Variants in PITPNC1 observed in about 807,000 individuals in gnomAD.
PITPNC1 encodes the protein phosphatidylinositol transfer protein cytoplasmic 1, also known as cytoplasmic phosphatidylinositol transfer protein 1.
Under a neutral mutation model 44.7 loss-of-function variants are expected in PITPNC1, and 18 were observed. The ratio of observed to expected loss-of-function variants is 0.40; its 90% CI spans 0.28 to 0.60. PITPNC1 has a LOEUF of 0.60. Among genes scored for constraint, PITPNC1 ranks in the 20% least tolerant of loss-of-function variants. PITPNC1 has a pLI of 0.39. For synonymous variants in PITPNC1, 141 were observed against 149.6 expected (o/e 0.94, Z 0.42); for missense variants, 290 against 418.4 (o/e 0.69, Z 2.68).
At chr17:67,655,639 G>C (rs2042257561) in intron 6 of PITPNC1, among the ~76,000 whole-genome samples, 1 of 148,102 alleles carries the variant, frequency 6.8e-6, no homozygotes. Flanking sequence ...TGGTGATTAA[G>C]TTTCAACATA....
intron 1 of PITPNC1, among the ~76,000 whole-genome samples, chr17:67,486,455 G>A (rs1396530902): frequency 6.6e-6 from 1 of 152,074 alleles, no homozygotes; most frequent in Non-Finnish European, 1.5e-5. Context: ...GCTTGTGTCT[G>A]CCCACAAATC....
At chr17:67,477,339 C>T (rs1454446097) in intron 1 of PITPNC1, among the ~76,000 whole-genome samples, 5 of 150,748 alleles carry the variant, frequency 3.3e-5, no homozygotes, top group South Asian at 2.1e-4. Flanking sequence ...CTCTGCCTCC[C>T]GGGTTCAAGC....
chr17:67,480,580 T>C (rs371942597), intron 1 of PITPNC1, among the ~76,000 whole-genome samples: 1 of 152,150 alleles, frequency 6.6e-6, no homozygotes, highest in Non-Finnish European at 1.5e-5. Flanking sequence ...AAATAAAAGA[T>C]GATATTAAGT....
At chr17:67,395,352 T>A (rs577748016) in intron 1 of PITPNC1, among the ~76,000 whole-genome samples, 1 of 152,152 alleles carries the variant, frequency 6.6e-6, no homozygotes, top group South Asian at 2.1e-4. Context: ...TCTTGTTACA[T>A]TGCCCAGGCT....
intron 1 of PITPNC1, among the ~76,000 whole-genome samples, chr17:67,523,204 T>C (rs1242290245): frequency 6.6e-6 from 1 of 152,214 alleles, no homozygotes; most frequent in Non-Finnish European, 1.5e-5. Flanking sequence ...CTCAAGCTTT[T>C]TATAATACTT....
intron 8 of PITPNC1, among the ~76,000 whole-genome samples, chr17:67,683,162 C>CAAAAAAAAAAAAAAAAAAAAAAAAA (rs901577194): frequency 2.4e-5 from 1 of 41,528 alleles, no homozygotes; most frequent in Non-Finnish European, 5.4e-5. Flanking sequence ...AACTGAGTCT[C>CAAAAAAAAAAAAAAAAAAAAAAAAA]AAAAAAAAAA....
chr17:67,380,937 T>A (rs1422244827), intron 1 of PITPNC1, among the ~76,000 whole-genome samples: 2 of 152,106 alleles, frequency 1.3e-5, no homozygotes, highest in South Asian at 2.1e-4. Flanking sequence ...CCAACCCGGC[T>A]AATTTTTTTA....
At chr17:67,411,200 G>GC (rs2038491369) in intron 1 of PITPNC1, among the ~76,000 whole-genome samples, 1 of 151,962 alleles carries the variant, frequency 6.6e-6, no homozygotes, top group Non-Finnish European at 1.5e-5. Flanking sequence ...ACAGAATCCT[G>GC]CCCATAATGA....
chr17:67,380,349 A>C (rs1194497519), intron 1 of PITPNC1, among the ~76,000 whole-genome samples: 2 of 152,182 alleles, frequency 1.3e-5, no homozygotes, highest in African/African-American at 4.8e-5. Flanking sequence ...TGCTGGGATT[A>C]CAGGCATGAG....
At chr17:67,496,761 A>C (rs1016394146) in intron 1 of PITPNC1, among the ~76,000 whole-genome samples, 3 of 152,184 alleles carry the variant, frequency 2.0e-5, no homozygotes, top group African/African-American at 7.2e-5. Flanking sequence ...CTTAGAATAG[A>C]AATGAGAAGG....
At chr17:67,639,125 A>AAAAAGAAAAG (rs1045768155) in intron 6 of PITPNC1, among the ~76,000 whole-genome samples, 1 of 152,102 alleles carries the variant, frequency 6.6e-6, no homozygotes, top group African/African-American at 2.4e-5. Context: ...CCTGTCTCTA[A>AAAAAGAAAAG]AAAAGAAAAG....
chr17:67,467,505 T>C (rs1339382862), intron 1 of PITPNC1, among the ~76,000 whole-genome samples: 1 of 152,196 alleles, frequency 6.6e-6, no homozygotes, highest in Non-Finnish European at 1.5e-5. Flanking sequence ...TCATAGGCTT[T>C]TGAAGTGGCC....
chr17:67,675,383 G>C (rs1231884256), intron 7 of PITPNC1, 96 bp from the exon 8 acceptor site: 1 of 888,384 alleles, frequency 1.1e-6, no homozygotes, highest in Non-Finnish European at 1.9e-6. Context: ...TAAGAACTCT[G>C]TAATCACCAA....
Position 67,460,603 on chromosome 17 carries a change from C to G in PITPNC1, c.49-72199C>G, listed in dbSNP as rs564044737. ...CTAATTTTTGTATTTTTAGTAGAGA[C>G]AGGGTTTCACCATGTTGGCCAGGCT... On this transcript the variant is annotated intron_variant, in intron 1 of 8. Transcript: ENST00000581322. Among the ~76,000 whole-genome samples, 7 of 151,310 alleles carry G rather than the reference C, an allele frequency of 4.6e-5. No homozygotes were observed. In the South Asian group the frequency reaches 1.5e-3, roughly 32 times the overall value.
At chr17:67,455,129 T>C (rs1444298503) in intron 1 of PITPNC1, among the ~76,000 whole-genome samples, 2 of 152,168 alleles carry the variant, frequency 1.3e-5, no homozygotes, top group Non-Finnish European at 2.9e-5. Context: ...CCTACACATA[T>C]TTCAAAGTAA....
chr17:67,438,494 T>A (rs1482351347), intron 1 of PITPNC1, among the ~76,000 whole-genome samples: 1 of 152,096 alleles, frequency 6.6e-6, no homozygotes, highest in Non-Finnish European at 1.5e-5. Flanking sequence ...TTTTGTATTT[T>A]TAGTACAGAC....
intron 5 of PITPNC1, among the ~76,000 whole-genome samples, chr17:67,599,032 A>ATTTTTTTT (rs1185599667): frequency 2.0e-4 from 6 of 29,280 alleles, no homozygotes; most frequent in African/African-American, 9.6e-4. Context: ...ATATATATAT[A>ATTTTTTTT]TATTTTTTTT....
At chr17:67,415,447 C>G (rs531133596) in intron 1 of PITPNC1, among the ~76,000 whole-genome samples, 1 of 152,224 alleles carries the variant, frequency 6.6e-6, no homozygotes, top group Admixed American at 6.5e-5. Flanking sequence ...TATTACCAGT[C>G]TAAGCCCCTT....
chr17:67,450,141 C>G lies in PITPNC1; in HGVS notation c.48+71939C>G, dbSNP rs116666592. ...ATTAAAACCACATTTCAGGTTTGCT[C>G]TTATGATTTAGAAGTAAATTTAGAA... On this transcript the variant is annotated intron_variant, in intron 1 of 8. Coordinates refer to ENST00000581322, the MANE Select transcript of PITPNC1 (RefSeq NM_012417.4). Among the ~76,000 whole-genome samples the G allele has an allele frequency of 2.5e-3, 374 of 152,310 alleles. 2 individuals are homozygous for G. Among genetic ancestry groups the G allele is most frequent in the African/African-American group, 8.6e-3 (358 of 41,566 alleles).
Sources: allele counts gnomAD v4.1 joint callset (sites outside exome capture counted in the v4.1 genomes callset), GRCh38; gene constraint gnomAD v4.1.1; transcripts MANE v1.5; gene names NCBI Gene and HGNC (gene_info 2026-07-23, HGNC 2026-07-21).